The following MAPKAP1 variants were observed in gnomAD, a reference collection of about 807,000 sequenced individuals.
MAPKAP1 encodes the protein target of rapamycin complex 2 subunit MAPKAP1.
Under a neutral mutation model 65.7 loss-of-function variants are expected in MAPKAP1, and 20 were observed. The ratio of observed to expected loss-of-function variants is 0.30; its 90% CI spans 0.21 to 0.44. MAPKAP1 has a LOEUF of 0.44. Among genes scored for constraint, MAPKAP1 ranks in the 20% least tolerant of loss-of-function variants. The pLI, the probability that MAPKAP1 is intolerant of heterozygous loss-of-function variation, is 1.00. For missense variants in MAPKAP1, 423 were observed against 648.0 expected (o/e 0.65, Z 3.77); for synonymous variants, 222 against 244.3 (o/e 0.91, Z 0.85).
intron 4 of MAPKAP1, among the ~76,000 whole-genome samples, chr9:125,635,868 A>G (rs902872532): frequency 3.3e-5 from 5 of 152,186 alleles, no homozygotes; most frequent in African/African-American, 1.2e-4. Context: ...CAGTTTATTC[A>G]TGTCTGTATC....
In MAPKAP1 at chr9:125,530,207, C is replaced by T. The variant is rs558512938; in HGVS notation, c.958+12852G>A. Among the ~76,000 whole-genome samples, 3 of 152,236 alleles carry T rather than the reference C, an allele frequency of 2.0e-5. No homozygotes were observed. The South Asian group carries it at 6.2e-4, about 32-fold the overall frequency. ...TCTTGGTAGAGAAGAATTTTCCTTA[C>T]AGCTACTAATAGGATAAACACATCA... On this transcript the variant is annotated intron_variant, in intron 7 of 11. Transcript: ENST00000265960.
chr9:125,690,984 G>A (rs1426898557), intron 1 of MAPKAP1, among the ~76,000 whole-genome samples: 6 of 152,184 alleles, frequency 3.9e-5, no homozygotes, highest in South Asian at 2.1e-4. Context: ...GGTAGAGGCC[G>A]GGCGCAGTGG....
At chr9:125,526,391 G>C (rs148464807) in intron 7 of MAPKAP1, among the ~76,000 whole-genome samples, 1 of 152,302 alleles carries the variant, frequency 6.6e-6, no homozygotes, top group African/African-American at 2.4e-5. Flanking sequence ...ATTTATATTT[G>C]AGATATTAGT....
chr9:125,549,992 C>A (rs1377340166), intron 6 of MAPKAP1, among the ~76,000 whole-genome samples: 2 of 152,208 alleles, frequency 1.3e-5, no homozygotes, highest in African/African-American at 2.4e-5. Flanking sequence ...TTATAACAAA[C>A]TCAAGTGGCT....
At chr9:125,617,673 T>C (rs962007485) in intron 4 of MAPKAP1, among the ~76,000 whole-genome samples, 3 of 152,114 alleles carry the variant, frequency 2.0e-5, no homozygotes, top group Admixed American at 6.5e-5. Flanking sequence ...CTATGGGACG[T>C]AATGTTAAGA....
intron 6 of MAPKAP1, among the ~76,000 whole-genome samples, chr9:125,548,940 G>T (rs1383600694): frequency 6.6e-6 from 1 of 152,152 alleles, no homozygotes; most frequent in African/African-American, 2.4e-5. Context: ...TAACTAATAA[G>T]TCCTGAAGGA....
intron 4 of MAPKAP1, among the ~76,000 whole-genome samples, chr9:125,610,573 C>T (rs1832569462): frequency 6.6e-6 from 1 of 152,172 alleles, no homozygotes; most frequent in South Asian, 2.1e-4. Context: ...ACCCTCCTCA[C>T]AACCCACCAC....
intron 8 of MAPKAP1, among the ~76,000 whole-genome samples, chr9:125,501,654 A>G (rs1024148201): frequency 2.6e-5 from 4 of 152,084 alleles, no homozygotes; most frequent in African/African-American, 7.2e-5. Flanking sequence ...TTTTCTTTGT[A>G]GGAAGGTTCC....
At chr9:125,547,160 T>C (rs1274387853) in intron 6 of MAPKAP1, among the ~76,000 whole-genome samples, 1 of 152,132 alleles carries the variant, frequency 6.6e-6, no homozygotes, top group East Asian at 1.9e-4. Flanking sequence ...GCCACTCAGT[T>C]ACCCCAAAAA....
At chr9:125,445,677 C>T (rs1375321364) in intron 10 of MAPKAP1, among the ~76,000 whole-genome samples, 1 of 152,264 alleles carries the variant, frequency 6.6e-6, no homozygotes, top group Non-Finnish European at 1.5e-5. Flanking sequence ...GCTGTCTAAA[C>T]TGGCACAAGG....
At chr9:125,694,357 G>A (rs1323982025) in intron 1 of MAPKAP1, among the ~76,000 whole-genome samples, 2 of 151,838 alleles carry the variant, frequency 1.3e-5, no homozygotes, top group African/African-American at 2.4e-5. Context: ...AGAAAATTAC[G>A]GCTATAAAAC....
rs554262427 is a variant in MAPKAP1, at chr9:125,671,199, A to G, written c.259+1117T>C. On this transcript the variant is annotated intron_variant, in intron 2 of 11. Coordinates refer to ENST00000265960, the MANE Select transcript of MAPKAP1 (RefSeq NM_001006617.3). The stretch of plus-strand genomic sequence containing the variant: ...TAGAGAACTGAAAATCAATGGTTCT[A>G]AATTATATTCAAACCTTCACTCAAA... Among the ~76,000 whole-genome samples, 8 of 152,360 alleles carry G rather than the reference A, an allele frequency of 5.3e-5. No individual in the cohort carries two copies. In the South Asian group the frequency reaches 1.7e-3, roughly 32 times the overall value.
At chr9:125,552,989 T>C (rs1172679669) in intron 6 of MAPKAP1, among the ~76,000 whole-genome samples, 4 of 152,192 alleles carry the variant, frequency 2.6e-5, no homozygotes. Flanking sequence ...ATGATATGGA[T>C]GTGTAGCTAT....
chr9:125,699,631 A>G (rs1005785840), intron 1 of MAPKAP1, among the ~76,000 whole-genome samples: 1 of 149,646 alleles, frequency 6.7e-6, no homozygotes, highest in African/African-American at 2.5e-5. Flanking sequence ...AGGATTTTTG[A>G]TTTTGATTTT....
rs77524814 is a variant in MAPKAP1, at chr9:125,650,820, C to T, written c.498+6831G>A. Among the ~76,000 whole-genome samples the T allele has an allele frequency of 4.2e-3, 645 of 152,298 alleles. 4 individuals are homozygous for T. The highest frequency in any genetic ancestry group is 0.015 in the African/African-American group (603 of 41,544). On this transcript the variant is annotated intron_variant, in intron 4 of 11. Transcript: ENST00000265960. ...TGCCGAAAACATTTTGTTGTGATTC[C>T]TATTTAACTCATTACGAACTGACCA... is the stretch of plus-strand genomic sequence containing the variant.
At chr9:125,623,815 A>G (rs1589355037) in intron 4 of MAPKAP1, among the ~76,000 whole-genome samples, 2 of 45,752 alleles carry the variant, frequency 4.4e-5, no homozygotes. Flanking sequence ...TGGGGGGGTC[A>G]GCCCCCCGCC....
At chr9:125,533,562 T>C (rs1829992672) in intron 7 of MAPKAP1, among the ~76,000 whole-genome samples, 1 of 152,180 alleles carries the variant, frequency 6.6e-6, no homozygotes, top group Non-Finnish European at 1.5e-5. Context: ...CGATTCTCCC[T>C]GCCTCAGCCT....
intron 5 of MAPKAP1, among the ~76,000 whole-genome samples, chr9:125,576,496 C>T (rs1392089068): frequency 6.6e-6 from 1 of 150,858 alleles, no homozygotes; most frequent in Non-Finnish European, 1.5e-5. Flanking sequence ...CTCTCCCTCT[C>T]CCTCTCCCCA....
intron 3 of MAPKAP1, among the ~76,000 whole-genome samples, chr9:125,661,906 T>G (rs1383185560): frequency 6.6e-6 from 1 of 152,074 alleles, no homozygotes; most frequent in Non-Finnish European, 1.5e-5. Flanking sequence ...ATGACCCAAT[T>G]TCTTCAACAA....
Sources: gnomAD v4.1 joint callset for allele counts (sites outside exome capture counted in the v4.1 genomes callset) on GRCh38, gnomAD v4.1.1 for gene constraint, MANE v1.5 for transcripts, NCBI Gene and HGNC (gene_info 2026-07-23, HGNC 2026-07-21) for gene names.